Variants in SIRT1 observed in about 807,000 individuals in gnomAD.
SIRT1 encodes the protein sirtuin 1.
SIRT1 carries 24 observed loss-of-function variants against 67.9 expected under a neutral mutation model. The observed-to-expected ratio is 0.35, with a 90% CI of 0.26 to 0.50. The LOEUF is 0.50. SIRT1 is among the 20% of genes least tolerant of loss of function. The pLI, the probability that SIRT1 is intolerant of heterozygous loss-of-function variation, is 0.98. For synonymous variants in SIRT1, 378 were observed against 350.7 expected (o/e 1.08, Z -0.87); for missense variants, 873 against 937.2 (o/e 0.93, Z 0.89).
Position 67,916,566 on chromosome 10 carries a change from C to T in SIRT1, c.2217C>T (p.Asp739=), listed in dbSNP as rs751827311. 7 of 1,612,380 alleles carry T rather than the reference C, an allele frequency of 4.3e-6. No individual in the cohort carries two copies. The South Asian group carries it at 6.6e-5, about 15-fold the overall frequency. ...EAISVKQEVT[D]MNYPSNKS ...TATCTGTGAAACAGGAAGTAACAGA[C>T]ATGAACTATCCATCAAACAAATCAT... Residue 739 remains aspartate, a synonymous_variant, in exon 9 of 9, where the codon GAC becomes GAT. Transcript: ENST00000212015.
rs2131841848 is a variant in SIRT1 at position 67,884,987 on chromosome 10, A to G, written c.266A>G (p.Glu89Gly). Residue 89 changes from glutamate to glycine, a missense_variant, in exon 1 of 9, where the codon GAG becomes GGG. Physicochemically the swap from Glu to Gly is moderately conservative, Grantham distance 98. Coordinates refer to ENST00000212015, the MANE Select transcript of SIRT1 (RefSeq NM_012238.5). ...AEAEAAAAGGEQEAQATAAAG... is the reference protein window; with the variant it reads ...AEAEAAAAGGGQEAQATAAAG... ...GCAGAGGCGGCGGCGGCAGGCGGGG[A>G]GCAAGAGGCCCAGGCGACTGCGGCG... is the stretch of plus-strand genomic sequence containing the variant. The G allele has an allele frequency of 7.9e-7, 1 of 1,269,238 alleles. No individual in the cohort carries two copies. The highest frequency in any genetic ancestry group is 9.9e-7 in the Non-Finnish European group (1 of 1,005,038). 78.6% of individuals were successfully genotyped at this position (1,269,238 alleles called of 1,614,324 possible). A position where few individuals can be genotyped will look rare whatever the true frequency, so the allele number is the denominator to read the frequency against.
chr10:67,895,655 ACTTT>A (rs1231810528), intron 4 of SIRT1, among the ~76,000 whole-genome samples: 4 of 145,172 alleles, frequency 2.8e-5, no homozygotes, highest in African/African-American at 5.4e-5. Flanking sequence ...GGAAAGAGAG[ACTTT>A]CTTTTTTTTT....
rs763496433 is a variant in SIRT1, at chr10:67,909,379, G to A, written c.1294G>A (p.Glu432Lys). 1.2e-6 allele frequency: 2 copies of A among 1,613,742 alleles called. No homozygotes were observed. Among genetic ancestry groups the A allele is most frequent in the Non-Finnish European group, 1.7e-6 (2 of 1,179,928 alleles). The change falls in exon 7 of 9, where the codon GAA (glutamate) becomes AAA (lysine). Residue 432 changes from glutamate to lysine, a missense_variant. Around this residue, in one of 3 missense-constraint regions of SIRT1, gnomAD observed 251 missense variants for 358.8 expected, o/e 0.70. Transcript: ENST00000212015. ...FHRAMKYDKD[E>K]VDLLIVIGSS... Reference sequence around the variant, plus strand: ...TAGAGCCATGAAGTATGACAAAGATGAAGTTGACCTCCTCATTGTTATTGG... The same window carrying A: ...TAGAGCCATGAAGTATGACAAAGATAAAGTTGACCTCCTCATTGTTATTGG...
intron 8 of SIRT1, among the ~76,000 whole-genome samples, chr10:67,914,260 C>T (rs1034160258): frequency 3.7e-4 from 56 of 151,758 alleles, no homozygotes; most frequent in African/African-American, 1.2e-3. Context: ...TTAGTAGAGA[C>T]GGGGTTTCGC....
chr10:67,900,325 G>A (rs1358575883), intron 4 of SIRT1, among the ~76,000 whole-genome samples: 2 of 151,824 alleles, frequency 1.3e-5, no homozygotes, highest in Non-Finnish European at 2.9e-5. Flanking sequence ...TGTATTTTTA[G>A]TAGAGATGGG....
chr10:67,894,516 A>G (rs1842622621), intron 4 of SIRT1, among the ~76,000 whole-genome samples: 1 of 152,182 alleles, frequency 6.6e-6, no homozygotes, highest in African/African-American at 2.4e-5. Context: ...ACTGGCATTT[A>G]TAAAATCTCC....
intron 3 of SIRT1, among the ~76,000 whole-genome samples, chr10:67,889,931 A>G (rs146578078): frequency 1.3e-5 from 2 of 152,156 alleles, no homozygotes; most frequent in East Asian, 1.9e-4. Context: ...TTGTACGATT[A>G]GTGGGCACGT....
In SIRT1 at chr10:67,906,920, G is replaced by A. The variant is rs1480935024; in HGVS notation, c.1073G>A (p.Arg358Lys). ...CTGGAACAGGTTGCGGGAATCCAAA[G>A]GATAATTCAGTGTCATGGTTAGTAA... ...DTLEQVAGIQ[R>K]IIQCHGSFAT... The change falls in exon 5 of 9, where the codon AGG becomes AAG. Residue 358 changes from arginine (R) to lysine (K), a missense_variant. By Grantham distance (26) the Arg-to-Lys change is conservative. Transcript: ENST00000212015. The A allele has an allele frequency of 1.9e-6, 3 of 1,603,466 alleles. No homozygotes were observed. The African/African-American group carries it at 4.0e-5, about 22-fold the overall frequency.
intron 4 of SIRT1, among the ~76,000 whole-genome samples, chr10:67,895,350 G>A (rs1842637446): frequency 6.6e-6 from 1 of 152,188 alleles, no homozygotes; most frequent in East Asian, 1.9e-4. Flanking sequence ...TTGAAGCCAG[G>A]AGGTGGAGGT....
In SIRT1 at chr10:67,917,769, GTTC is replaced by G. The variant is rs2029968045; in HGVS notation, c.*1179_*1181del. On this transcript the variant is annotated 3_prime_UTR_variant, in exon 9 of 9. Transcript: ENST00000212015. ...GCAGAATAGTTAATGAATGAAACTA[GTTC>G]TTATAATTTATCTTTATTTAAAAGC... The G allele has an allele frequency of 6.5e-6, 1 of 152,730 alleles. No homozygotes were observed. Among genetic ancestry groups the G allele is most frequent in the Non-Finnish European group, 1.5e-5 (1 of 68,018 alleles). The allele number at this position is 152,730 out of a possible 1,614,324, so 9.5% of individuals were successfully genotyped here. A position where few individuals can be genotyped will look rare whatever the true frequency, so the allele number is the denominator to read the frequency against.
intron 4 of SIRT1, among the ~76,000 whole-genome samples, chr10:67,894,290 T>C (rs1394141289): frequency 6.6e-6 from 1 of 152,268 alleles, no homozygotes; most frequent in Non-Finnish European, 1.5e-5. Flanking sequence ...AACTTTTTAC[T>C]TCATATATCC....
intron 5 of SIRT1, 30 bp from the exon 6 acceptor site, chr10:67,908,016 A>G (rs1483492925): frequency 1.3e-6 from 2 of 1,560,496 alleles, no homozygotes; most frequent in Non-Finnish European, 1.8e-6. Context: ...TACTTCTTTA[A>G]TAAAGCATAT....
chr10:67,899,832 C>G (rs1042208777), intron 4 of SIRT1, among the ~76,000 whole-genome samples: 18 of 151,920 alleles, frequency 1.2e-4, no homozygotes, highest in African/African-American at 4.4e-4. Context: ...CACCTGTAAA[C>G]CCAGCACTTT....
intron 4 of SIRT1, among the ~76,000 whole-genome samples, chr10:67,895,458 C>T (rs76397689): frequency 0.015 from 2,322 of 152,028 alleles, 58 homozygotes; most frequent in African/African-American, 0.053. Context: ...TAAATATTGT[C>T]GATATTTTAC....
At chr10:67,910,760 C>T (rs1468895031) in intron 7 of SIRT1, among the ~76,000 whole-genome samples, 4 of 152,116 alleles carry the variant, frequency 2.6e-5, no homozygotes. Flanking sequence ...AAATTTAAAT[C>T]CTTATTACTC....
At chr10:67,891,655 GTGAA>G (rs910596305) in intron 4 of SIRT1, 101 bp downstream of exon 4, 86 of 1,171,098 alleles carry the variant, frequency 7.3e-5, no homozygotes, top group Non-Finnish European at 8.9e-5. Context: ...GTTTAGTAAA[GTGAA>G]TGCTGCTACT....
At chr10:67,897,290 G>GT (rs113438030) in intron 4 of SIRT1, among the ~76,000 whole-genome samples, 300 of 141,950 alleles carry the variant, frequency 2.1e-3, no homozygotes, top group African/African-American at 4.8e-3. Context: ...ACTGTATTTT[G>GT]TTTTTTTTTT....
intron 4 of SIRT1, among the ~76,000 whole-genome samples, chr10:67,896,449 C>G (rs1248686362): frequency 6.6e-6 from 1 of 152,166 alleles, no homozygotes; most frequent in Non-Finnish European, 1.5e-5. Flanking sequence ...CGGCCTTGGG[C>G]TGATATTTAT....
rs190343672 is a variant in SIRT1 at position 67,910,069 on chromosome 10, G to T, written c.1357+627G>T. ...GACTGGTGAATCTGACATTTTGATG[G>T]GGGGTGGAGGGTTGTCAAAACGCAA... is the stretch of plus-strand genomic sequence containing the variant. On this transcript the variant is annotated intron_variant, in intron 7 of 8. Transcript: ENST00000212015. Among the ~76,000 whole-genome samples the T allele has an allele frequency of 4.3e-3, 638 of 148,512 alleles. 3 individuals are homozygous for T. Among genetic ancestry groups the T allele is most frequent in the Non-Finnish European group, 6.3e-3 (425 of 67,978 alleles).
Sources: allele counts gnomAD v4.1 joint callset (sites outside exome capture counted in the v4.1 genomes callset), GRCh38; gene constraint gnomAD v4.1.1; regional missense constraint gnomAD v4.1.1; transcripts MANE v1.5; gene names NCBI Gene and HGNC (gene_info 2026-07-23, HGNC 2026-07-21).